Variants in KAZN observed in about 807,000 individuals in gnomAD.
The protein encoded by KAZN is kazrin.
In KAZN, 40 loss-of-function variants were observed where a neutral mutation model predicts 87.4. The ratio of observed to expected loss-of-function variants is 0.46; its 90% CI spans 0.36 to 0.60. The LOEUF (loss-of-function observed/expected upper bound fraction) is 0.60, where lower values mean the gene tolerates loss of function less well. Ranked by LOEUF, KAZN falls within the 20% of genes least tolerant of loss-of-function variation. The pLI is 0.00. For synonymous variants in KAZN, 466 were observed against 458.3 expected, an observed-to-expected ratio of 1.02 and a Z score of -0.22; for missense variants, 898 against 1,073.9, an observed-to-expected ratio of 0.84 and a Z score of 2.29.
intron 1 of KAZN, among the ~76,000 whole-genome samples, chr1:13,983,307 C>T (rs2101085839): frequency 6.6e-6 from 1 of 152,362 alleles, no homozygotes; most frequent in Non-Finnish European, 1.5e-5. Flanking sequence ...AGCCCTGCCC[C>T]ACGGGAAGGC....
intron 1 of KAZN, among the ~76,000 whole-genome samples, chr1:14,177,557 T>G (rs1455225917): frequency 6.6e-6 from 1 of 152,200 alleles, no homozygotes; most frequent in African/African-American, 2.4e-5. Context: ...GTTGGCAAGT[T>G]TTTTGCTTTC....
chr1:14,410,153 G>C (rs760041941), intron 2 of KAZN, among the ~76,000 whole-genome samples: 5 of 152,218 alleles, frequency 3.3e-5, no homozygotes, highest in East Asian at 1.9e-4. Context: ...ACCAGAGCTG[G>C]AGTGCAGCAG....
chr1:14,089,636 G>A (rs957153994), intron 1 of KAZN, among the ~76,000 whole-genome samples: 5 of 152,028 alleles, frequency 3.3e-5, no homozygotes, highest in East Asian at 3.9e-4. Flanking sequence ...TCCACAGTAC[G>A]TTATAGTTAT....
intron 1 of KAZN, among the ~76,000 whole-genome samples, chr1:14,072,506 C>G (rs1440494742): frequency 6.6e-6 from 1 of 152,176 alleles, no homozygotes; most frequent in Non-Finnish European, 1.5e-5. Context: ...CTCCACCTAC[C>G]TATAAAGGGG....
Position 15,022,192 on chromosome 1 carries a change from C to G in KAZN, c.419-12557C>G, listed in dbSNP as rs537484518. 6.4e-4 allele frequency among the ~76,000 whole-genome samples: 98 copies of G among 152,108 alleles called. 1 individual carries two copies. The highest frequency in any genetic ancestry group is 1.1e-3 in the Non-Finnish European group (74 of 67,984). ...ATGGCCAGGACGGGCCATGCACCCC[C>G]CTCCCTCCCATCACTTCCCTGCCCT... On this transcript the variant is annotated intron_variant, in intron 2 of 14. Transcript: ENST00000376030.
chr1:14,843,452 G>A (rs922686084), intron 1 of KAZN, among the ~76,000 whole-genome samples: 1 of 152,172 alleles, frequency 6.6e-6, no homozygotes, highest in Non-Finnish European at 1.5e-5. Flanking sequence ...AAGGGCACAG[G>A]AGGCCCCTAA....
chr1:14,731,464 C>A (rs1643673966), intron 1 of KAZN, among the ~76,000 whole-genome samples: 1 of 152,196 alleles, frequency 6.6e-6, no homozygotes, highest in Admixed American at 6.5e-5. Context: ...ACCCTTGGAA[C>A]TTTTTTGGTT....
At chr1:14,851,177 C>T (rs1245606658) in intron 1 of KAZN, among the ~76,000 whole-genome samples, 2 of 152,172 alleles carry the variant, frequency 1.3e-5, no homozygotes, top group Non-Finnish European at 2.9e-5. Flanking sequence ...GGGAGATGGT[C>T]CACTTCTAAG....
chr1:14,743,356 G>A (rs941410146), intron 1 of KAZN, among the ~76,000 whole-genome samples: 4 of 152,064 alleles, frequency 2.6e-5, no homozygotes, highest in African/African-American at 9.7e-5. Context: ...CTTGAACCTG[G>A]GAGGCGGAGG....
chr1:14,731,056 G>A (rs544518681), intron 1 of KAZN, among the ~76,000 whole-genome samples: 82 of 152,144 alleles, frequency 5.4e-4, no homozygotes, highest in Admixed American at 1.1e-3. Context: ...TTGTTACATA[G>A]GAAATTTATT....
intron 2 of KAZN, among the ~76,000 whole-genome samples, chr1:14,466,078 A>G (rs1263066890): frequency 2.0e-5 from 3 of 152,204 alleles, no homozygotes; most frequent in Non-Finnish European, 4.4e-5. Context: ...AGGAAGCTAT[A>G]TCATTTAGGT....
At position 14,749,100 on chromosome 1, in the gene KAZN, C is replaced by G. The variant is rs1572387500; in HGVS notation, c.226+149877C>G. 5.9e-5 allele frequency among the ~76,000 whole-genome samples: 9 copies of G among 152,294 alleles called. No homozygotes were observed. The South Asian group carries it at 1.9e-3, about 32-fold the overall frequency. On this transcript the variant is annotated intron_variant, in intron 1 of 14. Coordinates refer to ENST00000376030, the MANE Select transcript of KAZN (RefSeq NM_201628.3). ...TGTTTCCTGCTATTAAAGACCCTAT[C>G]AAGGGTGATAAATAAACGTGGTCCA...
intron 1 of KAZN, among the ~76,000 whole-genome samples, chr1:14,619,402 G>A (rs963380130): frequency 3.3e-5 from 5 of 151,668 alleles, no homozygotes; most frequent in Admixed American, 1.3e-4. Flanking sequence ...GTCTCGCCAT[G>A]GTGTCCAGGT....
At chr1:15,060,415 A>T in intron 6 of KAZN, 113 bp downstream of exon 6, 2 of 1,362,914 alleles carry the variant, frequency 1.5e-6, no homozygotes, top group Non-Finnish European at 2.1e-6. Context: ...CCCAGGGAGC[A>T]CTCTGGCGAA....
intron 1 of KAZN, among the ~76,000 whole-genome samples, chr1:14,073,868 A>T (rs1177347668): frequency 1.3e-5 from 2 of 152,170 alleles, no homozygotes; most frequent in Non-Finnish European, 2.9e-5. Context: ...ATACATGTGT[A>T]TGTGTCTTTA....
intron 1 of KAZN, among the ~76,000 whole-genome samples, chr1:13,925,867 C>A (rs774697805): frequency 7.9e-5 from 12 of 152,020 alleles, no homozygotes; most frequent in Non-Finnish European, 1.5e-4. Context: ...GGATCCATTT[C>A]AAAAATAGTT....
chr1:14,681,611 G>GTATGTA (rs1430490499), intron 1 of KAZN, among the ~76,000 whole-genome samples: 49 of 33,872 alleles, frequency 1.4e-3, no homozygotes, highest in African/African-American at 4.6e-3. Flanking sequence ...ATATGTATAT[G>GTATGTA]TGTATATATA....
intron 1 of KAZN, among the ~76,000 whole-genome samples, chr1:13,959,095 A>C (rs1186226117): frequency 6.6e-6 from 1 of 152,156 alleles, no homozygotes; most frequent in Non-Finnish European, 1.5e-5. Context: ...AGGTGATTGC[A>C]GGTGTCTCCC....
intron 1 of KAZN, among the ~76,000 whole-genome samples, chr1:14,730,356 A>G (rs1415254577): frequency 6.6e-6 from 1 of 152,186 alleles, no homozygotes; most frequent in Non-Finnish European, 1.5e-5. Context: ...TGCTGGGATT[A>G]CAGGCGTGAG....
Sources: gnomAD v4.1 joint callset for allele counts (sites outside exome capture counted in the v4.1 genomes callset) on GRCh38, gnomAD v4.1.1 for gene constraint, MANE v1.5 for transcripts, NCBI Gene and HGNC (gene_info 2026-07-23, HGNC 2026-07-21) for gene names.